CDK14: variants seen among roughly 807,000 people sequenced by gnomAD.
The protein encoded by CDK14 is cyclin-dependent kinase 14.
In CDK14, 34 loss-of-function variants were observed where a neutral mutation model predicts 60.7. The ratio of observed to expected loss-of-function variants is 0.56; its 90% CI spans 0.43 to 0.75. The LOEUF (loss-of-function observed/expected upper bound fraction) is 0.75. CDK14 is among the 30% of genes least tolerant of loss of function. The pLI is 0.00. For missense variants in CDK14, 482 were observed against 564.1 expected (o/e 0.85, Z 1.47); for synonymous variants, 197 against 203.7 (o/e 0.97, Z 0.28).
intron 2 of CDK14, among the ~76,000 whole-genome samples, chr7:90,677,845 A>C (rs1325839718): frequency 2.0e-5 from 3 of 152,224 alleles, no homozygotes; most frequent in African/African-American, 2.4e-5. Context: ...TACAATTGTC[A>C]GGTCTCTGTG....
At chr7:90,880,792 G>A (rs1791723765) in intron 6 of CDK14, among the ~76,000 whole-genome samples, 1 of 152,122 alleles carries the variant, frequency 6.6e-6, no homozygotes. Flanking sequence ...GAACGAATCA[G>A]ATGAATAGGG....
At chr7:91,182,923 A>G (rs148607697) in intron 14 of CDK14, among the ~76,000 whole-genome samples, 14 of 152,296 alleles carry the variant, frequency 9.2e-5, no homozygotes, top group African/African-American at 2.9e-4. Flanking sequence ...TTCACCAGAG[A>G]GGGAAAGCCT....
intron 11 of CDK14, among the ~76,000 whole-genome samples, chr7:91,060,780 G>C (rs955940182): frequency 6.6e-6 from 1 of 152,220 alleles, no homozygotes; most frequent in African/African-American, 2.4e-5. Context: ...CTGTTAGTAT[G>C]ATGGGCTTCC....
intron 4 of CDK14, among the ~76,000 whole-genome samples, chr7:90,759,882 G>T (rs1804247244): frequency 6.6e-6 from 1 of 152,186 alleles, no homozygotes; most frequent in Non-Finnish European, 1.5e-5. Flanking sequence ...CTCTGCTTAT[G>T]TTCAGTTTCT....
intron 5 of CDK14, among the ~76,000 whole-genome samples, chr7:90,828,548 A>G (rs1789802798): frequency 1.3e-5 from 2 of 151,998 alleles, no homozygotes; most frequent in Admixed American, 1.3e-4. Context: ...TTAGGTCACA[A>G]CTCTTAAAAC....
At chr7:90,897,592 C>T (rs962055724) in intron 6 of CDK14, among the ~76,000 whole-genome samples, 11 of 151,952 alleles carry the variant, frequency 7.2e-5, no homozygotes, top group African/African-American at 2.7e-4. Context: ...CAAATGTTCT[C>T]TCGTTCTTTA....
At chr7:90,663,686 A>AT (rs1800910435) in intron 2 of CDK14, among the ~76,000 whole-genome samples, 1 of 152,074 alleles carries the variant, frequency 6.6e-6, no homozygotes, top group Non-Finnish European at 1.5e-5. Flanking sequence ...ACAAAAACAG[A>AT]TTTTTCTTCC....
chr7:91,173,873 C>A (rs1303747906), intron 14 of CDK14, among the ~76,000 whole-genome samples: 1 of 152,186 alleles, frequency 6.6e-6, no homozygotes, highest in Admixed American at 6.5e-5. Context: ...GGCAGCGAGG[C>A]TGGGGGAGGG....
At chr7:90,606,628 G>C (rs1799424337) in intron 2 of CDK14, among the ~76,000 whole-genome samples, 6 of 152,206 alleles carry the variant, frequency 3.9e-5, no homozygotes, top group Admixed American at 3.9e-4. Flanking sequence ...AGCTTCATGT[G>C]ATGACTTGCA....
At chr7:90,730,992 A>C (rs974451747) in intron 3 of CDK14, among the ~76,000 whole-genome samples, 4 of 152,194 alleles carry the variant, frequency 2.6e-5, no homozygotes, top group African/African-American at 9.7e-5. Context: ...TTTAGGTCTT[A>C]CATTTAAGTC....
chr7:91,095,830 T>C (rs1363324665), intron 12 of CDK14, among the ~76,000 whole-genome samples: 2 of 152,052 alleles, frequency 1.3e-5, no homozygotes, highest in Non-Finnish European at 2.9e-5. Context: ...AGTAGTAGAA[T>C]TTTGGGTGAT....
At chr7:91,025,727 G>A (rs1027093973) in intron 10 of CDK14, among the ~76,000 whole-genome samples, 2 of 152,190 alleles carry the variant, frequency 1.3e-5, no homozygotes, top group African/African-American at 4.8e-5. Flanking sequence ...TGAGGCAACT[G>A]CCTGTGCACT....
intron 9 of CDK14, among the ~76,000 whole-genome samples, chr7:90,970,610 A>G (rs771558381): frequency 1.6e-4 from 25 of 152,234 alleles, no homozygotes; most frequent in Non-Finnish European, 2.6e-4. Context: ...ACATTTAAAC[A>G]TATAATACAG....
intron 5 of CDK14, among the ~76,000 whole-genome samples, chr7:90,834,263 A>G (rs1009939167): frequency 2.6e-5 from 4 of 152,256 alleles, no homozygotes; most frequent in Admixed American, 6.5e-5. Flanking sequence ...TGAAAGATAT[A>G]TTAATCAACA....
At chr7:91,079,548 C>T (rs1053798846) in intron 12 of CDK14, 68 bp downstream of exon 12, 20 of 1,115,946 alleles carry the variant, frequency 1.8e-5, no homozygotes, top group Middle Eastern at 2.0e-4. Context: ...TCTTCTCATA[C>T]GTTTTTCATG....
intron 8 of CDK14, among the ~76,000 whole-genome samples, chr7:90,919,492 T>A (rs1033526922): frequency 6.6e-6 from 1 of 152,100 alleles, no homozygotes; most frequent in African/African-American, 2.4e-5. Flanking sequence ...ATTTAGATGA[T>A]TTTTTTAGAA....
At chr7:90,709,565 T>A (rs1222307703) in intron 2 of CDK14, 2 of 1,613,296 alleles carry the variant, frequency 1.2e-6, no homozygotes, top group African/African-American at 1.3e-5. Context: ...TTGGCTGCAA[T>A]GCTGCTGCAG....
At chr7:91,019,369 C>A (rs1204795786) in intron 10 of CDK14, among the ~76,000 whole-genome samples, 1 of 152,120 alleles carries the variant, frequency 6.6e-6, no homozygotes, top group South Asian at 2.1e-4. Flanking sequence ...AAAATTACAC[C>A]AAATAGATCT....
At chr7:90,618,998 T>C (rs1799710876) in intron 2 of CDK14, among the ~76,000 whole-genome samples, 1 of 152,178 alleles carries the variant, frequency 6.6e-6, no homozygotes. Context: ...TAAGTTAATA[T>C]TTACTTTTAA....
Sources: allele counts gnomAD v4.1 joint callset (sites outside exome capture counted in the v4.1 genomes callset), GRCh38; gene constraint gnomAD v4.1.1; transcripts MANE v1.5; gene names NCBI Gene and HGNC (gene_info 2026-07-23, HGNC 2026-07-21).